ST7: variants seen among roughly 807,000 people sequenced by gnomAD.
The protein encoded by ST7 is suppression of tumorigenicity 7, also known as suppressor of tumorigenicity 7 protein.
Under a neutral mutation model 78.7 loss-of-function variants are expected in ST7, and 28 were observed. The observed-to-expected ratio is 0.36, with a 90% CI of 0.26 to 0.49. The LOEUF (loss-of-function observed/expected upper bound fraction) is 0.49, where lower values mean the gene tolerates loss of function less well. ST7 is among the 20% of genes least tolerant of loss of function. The pLI is 0.99. For missense variants in ST7, 418 were observed against 696.0 expected, an observed-to-expected ratio of 0.60 and a Z score of 4.49; for synonymous variants, 247 against 249.6, an observed-to-expected ratio of 0.99 and a Z score of 0.10.
At chr7:117,108,826 C>T (rs1252569275) in intron 2 of ST7, among the ~76,000 whole-genome samples, 2 of 151,994 alleles carry the variant, frequency 1.3e-5, no homozygotes, top group Non-Finnish European at 2.9e-5. Context: ...TAAGTGTATT[C>T]CTAAGTATTT....
At chr7:117,011,822 C>T (rs1795396949) in intron 1 of ST7, among the ~76,000 whole-genome samples, 1 of 152,040 alleles carries the variant, frequency 6.6e-6, no homozygotes, top group African/African-American at 2.4e-5. Context: ...AAGGGGGCAT[C>T]TAGGCATATC....
At chr7:117,087,255 G>A (rs1461646159) in intron 1 of ST7, among the ~76,000 whole-genome samples, 2 of 152,108 alleles carry the variant, frequency 1.3e-5, no homozygotes, top group Non-Finnish European at 2.9e-5. Context: ...AACAAAGCAA[G>A]TAGATTAATA....
At chr7:117,144,633 CA>C (rs535930435) in intron 9 of ST7, among the ~76,000 whole-genome samples, 185 of 103,842 alleles carry the variant, frequency 1.8e-3, no homozygotes, top group Admixed American at 2.2e-3. Context: ...ACCCTGTCTC[CA>C]AAAAAAAAAA....
At chr7:117,094,726 C>T (rs1433564345) in intron 1 of ST7, among the ~76,000 whole-genome samples, 4 of 152,288 alleles carry the variant, frequency 2.6e-5, no homozygotes, top group African/African-American at 9.6e-5. Context: ...TGTTGTTGGT[C>T]TCATGTTTGG....
At chr7:117,128,470 A>C (rs572474265) in intron 3 of ST7, 22 of 151,912 alleles carry the variant, frequency 1.4e-4, no homozygotes, top group Non-Finnish European at 3.2e-4. Flanking sequence ...GACAAAGATC[A>C]TTTTCTAAAT....
intron 9 of ST7, among the ~76,000 whole-genome samples, chr7:117,158,807 A>G (rs188889132): frequency 1.3e-5 from 2 of 152,340 alleles, no homozygotes; most frequent in Admixed American, 1.3e-4. Flanking sequence ...AATAATAACC[A>G]TGCATTATAC....
At chr7:117,121,452 G>A (rs1278452918) in intron 3 of ST7, among the ~76,000 whole-genome samples, 1 of 152,070 alleles carries the variant, frequency 6.6e-6, no homozygotes, top group East Asian at 1.9e-4. Context: ...AAAGAGTATT[G>A]ACTTAAAATC....
At chr7:117,193,150 T>TACACACACACACACACACACACAC (rs137866535) in intron 12 of ST7, among the ~76,000 whole-genome samples, 4 of 144,972 alleles carry the variant, frequency 2.8e-5, no homozygotes, top group African/African-American at 1.0e-4. Flanking sequence ...CTTTAGCAGA[T>TACACACACACACACACACACACAC]ACACACACAC....
intron 8 of ST7, 178 bp downstream of exon 8, chr7:117,136,413 TA>T (rs1304450697): frequency 1.5e-6 from 1 of 685,944 alleles, no homozygotes. Context: ...ATAATTAACT[TA>T]CAGCTTCATT....
At chr7:117,123,778 G>T (rs533574823) in intron 3 of ST7, among the ~76,000 whole-genome samples, 11 of 152,118 alleles carry the variant, frequency 7.2e-5, no homozygotes, top group Non-Finnish European at 4.4e-5. Context: ...CAAATAAGAT[G>T]CCATAAAGAC....
chr7:117,134,342 A>C, intron 7 of ST7, 150 bp downstream of exon 7: 3 of 1,199,782 alleles, frequency 2.5e-6, no homozygotes, highest in Non-Finnish European at 3.5e-6. Flanking sequence ...TCTTCCATCG[A>C]GCTGAGCAGT....
chr7:117,165,593 C>T (rs1423292536), intron 9 of ST7, among the ~76,000 whole-genome samples: 2 of 152,076 alleles, frequency 1.3e-5, no homozygotes, highest in East Asian at 1.9e-4. Context: ...GTGTTGAGCA[C>T]CTATGATAGG....
At chr7:116,992,046 T>G (rs1043870453) in intron 1 of ST7, among the ~76,000 whole-genome samples, 4 of 152,244 alleles carry the variant, frequency 2.6e-5, no homozygotes, top group Non-Finnish European at 5.9e-5. Context: ...CTTGGGCAGC[T>G]CTGCCCCCAT....
intron 2 of ST7, among the ~76,000 whole-genome samples, chr7:117,114,255 T>C (rs1219518067): frequency 2.0e-5 from 3 of 151,932 alleles, no homozygotes; most frequent in African/African-American, 7.3e-5. Flanking sequence ...TGATCTGTCA[T>C]GAGGAATTAG....
chr7:117,004,229 G>C (rs1795063418), intron 1 of ST7, among the ~76,000 whole-genome samples: 1 of 152,102 alleles, frequency 6.6e-6, no homozygotes, highest in Admixed American at 6.6e-5. Flanking sequence ...CCCATTTTCT[G>C]AAAATGATTT....
chr7:117,108,645 G>T (rs1802171214), intron 2 of ST7, among the ~76,000 whole-genome samples: 1 of 152,056 alleles, frequency 6.6e-6, no homozygotes, highest in African/African-American at 2.4e-5. Context: ...GTGGTATTTT[G>T]ATGGGAATTG....
intron 2 of ST7, chr7:117,118,008 T>G (rs776811787): frequency 6.6e-6 from 1 of 152,234 alleles, no homozygotes; most frequent in Non-Finnish European, 1.5e-5. Context: ...TGTTACAGAT[T>G]AGTCTTGTCC....
chr7:116,965,027 T>C (rs1225344937), intron 1 of ST7, among the ~76,000 whole-genome samples: 1 of 152,170 alleles, frequency 6.6e-6, no homozygotes, highest in Non-Finnish European at 1.5e-5. Flanking sequence ...ATATGCAGAC[T>C]TAGTTTAGGC....
intron 1 of ST7, among the ~76,000 whole-genome samples, chr7:116,967,797 A>G (rs1037158610): frequency 6.6e-6 from 1 of 152,174 alleles, no homozygotes; most frequent in Non-Finnish European, 1.5e-5. Context: ...GGCTCCTACT[A>G]TAATATTGAC....
Sources: gnomAD v4.1 joint callset for allele counts (sites outside exome capture counted in the v4.1 genomes callset) on GRCh38, gnomAD v4.1.1 for gene constraint, MANE v1.5 for transcripts, NCBI Gene and HGNC (gene_info 2026-07-23, HGNC 2026-07-21) for gene names.